The following MACROD2 variants were observed in gnomAD, a reference collection of about 807,000 sequenced individuals.
MACROD2 encodes the protein ADP-ribose glycohydrolase MACROD2.
In MACROD2, 36 loss-of-function variants were observed where a neutral mutation model predicts 70.4. The ratio of observed to expected loss-of-function variants is 0.51; its 90% CI spans 0.39 to 0.68. The LOEUF is 0.68. MACROD2 is among the 30% of genes least tolerant of loss of function. MACROD2 has a pLI of 0.00. For synonymous variants in MACROD2, 172 were observed against 178.8 expected (o/e 0.96, Z 0.30); for missense variants, 496 against 538.4 (o/e 0.92, Z 0.78).
chr20:15,938,107 C>T (rs996373604), intron 12 of MACROD2, among the ~76,000 whole-genome samples: 4 of 150,796 alleles, frequency 2.7e-5, no homozygotes, highest in Non-Finnish European at 5.9e-5. Flanking sequence ...TTCTAGGAGA[C>T]AGTTTGAGGA....
At chr20:14,962,461 A>G (rs2074592218) in intron 5 of MACROD2, among the ~76,000 whole-genome samples, 1 of 149,532 alleles carries the variant, frequency 6.7e-6, no homozygotes, top group Admixed American at 6.7e-5. Flanking sequence ...ATATATATAT[A>G]TAGTATTTAT....
chr20:15,997,306 T>G (rs11087157), intron 15 of MACROD2, among the ~76,000 whole-genome samples: 1 of 152,082 alleles, frequency 6.6e-6, no homozygotes, highest in Admixed American at 6.5e-5. Context: ...TTGGGCATTT[T>G]AACAACATTA....
chr20:14,333,122 T>A (rs1439256753), intron 3 of MACROD2, among the ~76,000 whole-genome samples: 1 of 152,004 alleles, frequency 6.6e-6, no homozygotes, highest in African/African-American at 2.4e-5. Flanking sequence ...AGTCATGAAG[T>A]CTGAAGGGTT....
At chr20:15,277,560 G>T (rs1243915925) in intron 6 of MACROD2, among the ~76,000 whole-genome samples, 1 of 152,178 alleles carries the variant, frequency 6.6e-6, no homozygotes, top group Non-Finnish European at 1.5e-5. Flanking sequence ...ACAGATTCTG[G>T]TTCAGAAGTT....
Position 14,948,177 on chromosome 20 carries a change from G to T in MACROD2, c.418+263218G>T, listed in dbSNP as rs183983997. 2.3e-3 allele frequency among the ~76,000 whole-genome samples: 355 copies of T among 152,186 alleles called. 2 individuals carry two copies. Among genetic ancestry groups the T allele is most frequent in the Middle Eastern group, 0.014 (4 of 294 alleles). On this transcript the variant is annotated intron_variant, in intron 5 of 17. Coordinates refer to ENST00000684519, the MANE Select transcript of MACROD2 (RefSeq NM_001351661.2). ...GGAGTGGAGATTTTATTTCACTCTG[G>T]CTCCTTTTCAGGAGAGAATCCTCTT...
At chr20:14,678,787 G>T (rs1016626149) in intron 4 of MACROD2, among the ~76,000 whole-genome samples, 1 of 152,136 alleles carries the variant, frequency 6.6e-6, no homozygotes, top group Non-Finnish European at 1.5e-5. Flanking sequence ...AACTAGACCT[G>T]AGTGGAGAAG....
intron 3 of MACROD2, chr20:14,325,601 A>C: frequency 6.2e-7 from 1 of 1,613,384 alleles, no homozygotes; most frequent in Admixed American, 1.7e-5. Context: ...CTGTCTCTGT[A>C]GCTTCGGTTA....
At chr20:14,916,179 G>A (rs951440734) in intron 5 of MACROD2, among the ~76,000 whole-genome samples, 1 of 152,170 alleles carries the variant, frequency 6.6e-6, no homozygotes, top group Non-Finnish European at 1.5e-5. Flanking sequence ...GCAGCATCAT[G>A]AAACGCAGAG....
At chr20:14,198,605 G>C (rs1342165681) in intron 3 of MACROD2, among the ~76,000 whole-genome samples, 1 of 152,110 alleles carries the variant, frequency 6.6e-6, no homozygotes, top group East Asian at 1.9e-4. Flanking sequence ...ATCAATCTTT[G>C]TTCGCATATA....
chr20:14,944,407 C>CT (rs1430908436), intron 5 of MACROD2, among the ~76,000 whole-genome samples: 1 of 152,160 alleles, frequency 6.6e-6, no homozygotes, highest in Non-Finnish European at 1.5e-5. Context: ...CAAATGCTTT[C>CT]TGCAGTCATT....
Position 14,220,348 on chromosome 20 carries a change from T to C in MACROD2, c.271+134620T>C, listed in dbSNP as rs1310686610. Among the ~76,000 whole-genome samples the C allele has an allele frequency of 2.6e-5, 4 of 152,092 alleles. No homozygotes were observed. In the East Asian group the frequency reaches 7.7e-4, roughly 29 times the overall value. ...AGTCACAGGCCTCACCCAACTCCCA[T>C]GCAAATGAAAGGGCTGGTCTCACTC... On this transcript the variant is annotated intron_variant, in intron 3 of 17. Coordinates refer to ENST00000684519, the MANE Select transcript of MACROD2 (RefSeq NM_001351661.2).
chr20:15,942,908 A>G (rs2065770145), intron 12 of MACROD2, among the ~76,000 whole-genome samples: 1 of 152,340 alleles, frequency 6.6e-6, no homozygotes, highest in Admixed American at 6.5e-5. Context: ...ACCAAATCAT[A>G]TGCTCATTAA....
chr20:14,891,573 G>A (rs1019395456), intron 5 of MACROD2, among the ~76,000 whole-genome samples: 3 of 152,066 alleles, frequency 2.0e-5, no homozygotes, highest in Non-Finnish European at 4.4e-5. Flanking sequence ...ATAAATATGT[G>A]TTGGTTTCAT....
rs573207490 is a variant in MACROD2, at chr20:15,017,185, A to G, written c.419-212755A>G. ...GCAAGGTAGTTACTTCCTAGATTCA[A>G]TGGGGGTACAGGTATTGGGTAAATA... On this transcript the variant is annotated intron_variant, in intron 5 of 17. Transcript: ENST00000684519. Among the ~76,000 whole-genome samples the G allele has an allele frequency of 8.5e-4, 129 of 152,318 alleles. 1 individual carries two copies. Among genetic ancestry groups the G allele is most frequent in the South Asian group, 3.5e-3 (17 of 4,828 alleles).
chr20:14,141,066 T>C (rs2054866817), intron 3 of MACROD2, among the ~76,000 whole-genome samples: 1 of 152,172 alleles, frequency 6.6e-6, no homozygotes, highest in Admixed American at 6.5e-5. Flanking sequence ...TGTGTTGTGT[T>C]GGGTAGGGCA....
chr20:15,106,793 A>C (rs536301017), intron 5 of MACROD2, among the ~76,000 whole-genome samples: 1 of 152,182 alleles, frequency 6.6e-6, no homozygotes, highest in African/African-American at 2.4e-5. Context: ...TAGGTGCACA[A>C]ATATATCTCT....
chr20:15,642,771 GTGTA>G (rs1291645804), intron 8 of MACROD2, among the ~76,000 whole-genome samples: 9 of 149,520 alleles, frequency 6.0e-5, no homozygotes, highest in Admixed American at 3.3e-4. Context: ...GTTTGTGTGT[GTGTA>G]TGTGTGTGTG....
intron 8 of MACROD2, among the ~76,000 whole-genome samples, chr20:15,770,639 C>G (rs886838028): frequency 6.6e-6 from 1 of 152,016 alleles, no homozygotes; most frequent in Non-Finnish European, 1.5e-5. Flanking sequence ...GCATAACAGA[C>G]CATCCTGAAA....
chr20:15,919,172 T>C (rs1675055274), intron 10 of MACROD2, among the ~76,000 whole-genome samples: 1 of 152,176 alleles, frequency 6.6e-6, no homozygotes, highest in Non-Finnish European at 1.5e-5. Context: ...CTTCTGCAAA[T>C]TGACCGATTT....
Sources: allele counts gnomAD v4.1 joint callset (sites outside exome capture counted in the v4.1 genomes callset), GRCh38; gene constraint gnomAD v4.1.1; transcripts MANE v1.5; gene names NCBI Gene and HGNC (gene_info 2026-07-23, HGNC 2026-07-21).